The following LCMT1 variants were observed in gnomAD, a reference collection of about 807,000 sequenced individuals.
LCMT1 encodes leucine carboxyl methyltransferase 1.
Under a neutral mutation model 47.7 loss-of-function variants are expected in LCMT1, and 32 were observed. The observed-to-expected ratio is 0.67, with a 90% CI of 0.51 to 0.90. The LOEUF (loss-of-function observed/expected upper bound fraction) is 0.90, where lower values mean the gene tolerates loss of function less well. Ranked by LOEUF, LCMT1 falls within the 40% of genes least tolerant of loss-of-function variation. The probability of loss-of-function intolerance (pLI) is 0.00; values close to 1 mark genes in which losing one functional copy is unlikely to be tolerated. For missense variants in LCMT1, 375 were observed against 415.2 expected (o/e 0.90, Z 0.84); for synonymous variants, 152 against 149.7 (o/e 1.02, Z -0.11).
chr16:25,161,605 T>G (rs1477667245), intron 6 of LCMT1, among the ~76,000 whole-genome samples: 1 of 152,190 alleles, frequency 6.6e-6, no homozygotes, highest in African/African-American at 2.4e-5. Flanking sequence ...TCCGCCTGCC[T>G]TGGCCTCCCA....
chr16:25,138,387 A>G (rs1960567398), intron 3 of LCMT1, among the ~76,000 whole-genome samples: 1 of 151,996 alleles, frequency 6.6e-6, no homozygotes, highest in South Asian at 2.1e-4. Flanking sequence ...GCAGGGCTGA[A>G]GTACTGGGTG....
chr16:25,128,034 C>A (rs1484487780), intron 1 of LCMT1, among the ~76,000 whole-genome samples: 3 of 152,226 alleles, frequency 2.0e-5, no homozygotes, highest in Non-Finnish European at 2.9e-5. Flanking sequence ...TCAGGAGAAA[C>A]ACTTGGTTAA....
At chr16:25,121,358 C>T (rs1013414400) in intron 1 of LCMT1, among the ~76,000 whole-genome samples, 3 of 151,858 alleles carry the variant, frequency 2.0e-5, no homozygotes, top group African/African-American at 4.8e-5. Flanking sequence ...TGCAGTGAGC[C>T]GAGATCATGC....
intron 5 of LCMT1, among the ~76,000 whole-genome samples, chr16:25,151,816 G>T (rs904423868): frequency 6.6e-6 from 1 of 151,964 alleles, no homozygotes; most frequent in Non-Finnish European, 1.5e-5. Flanking sequence ...AGCCTGCAGG[G>T]TGGCCATTCT....
intron 3 of LCMT1, among the ~76,000 whole-genome samples, chr16:25,138,963 C>T (rs889052052): frequency 2.6e-5 from 4 of 151,896 alleles, no homozygotes; most frequent in East Asian, 3.9e-4. Context: ...ATCTTTGAGA[C>T]GGAGTCTCGC....
intron 1 of LCMT1, among the ~76,000 whole-genome samples, chr16:25,114,083 A>C (rs547070994): frequency 5.3e-5 from 8 of 152,184 alleles, no homozygotes; most frequent in Non-Finnish European, 1.2e-4. Flanking sequence ...CAGGCTGAAT[A>C]TTGTTTAGTT....
chr16:25,177,297 T>C (rs1961978010), intron 10 of LCMT1, among the ~76,000 whole-genome samples: 1 of 152,098 alleles, frequency 6.6e-6, no homozygotes, highest in Admixed American at 6.6e-5. Context: ...ACTAAGAAAA[T>C]CCACCTGTAT....
In LCMT1 at chr16:25,111,798, TC is replaced by T. The variant is rs1289178963; in HGVS notation, c.-83del. 1.2e-5 allele frequency: 11 copies of T among 892,588 alleles called. No individual in the cohort carries two copies. Among genetic ancestry groups the T allele is most frequent in the Admixed American group, 2.0e-5 (1 of 49,542 alleles). 55.3% of individuals were successfully genotyped at this position (892,588 alleles called of 1,614,324 possible). A position where few individuals can be genotyped will look rare whatever the true frequency, so the allele number is the denominator to read the frequency against. On this transcript the variant is annotated 5_prime_UTR_variant, in exon 1 of 11. Coordinates refer to ENST00000399069, the MANE Select transcript of LCMT1 (RefSeq NM_016309.3). ...GGCCCTACCCTCTTCTGTTGCTTTC[TC>T]CCTGTGGCTCGCGCCGTCCCCCGCC...
chr16:25,167,550 A>G (rs979435162), intron 7 of LCMT1, among the ~76,000 whole-genome samples: 7 of 151,216 alleles, frequency 4.6e-5, no homozygotes, highest in Admixed American at 3.3e-4. Context: ...GGCCTCAAGC[A>G]GTTCTCCAAC....
At position 25,178,099 on chromosome 16, in the gene LCMT1, G is replaced by A. The variant is rs768980746; in HGVS notation, c.*76G>A. Reference sequence around the variant, plus strand: ...GAGGAGACCTGCAAGCTCCCTGAGCGGTGGGCGGGCCTCGTCCGCAGGTCT... The same window carrying A: ...GAGGAGACCTGCAAGCTCCCTGAGCAGTGGGCGGGCCTCGTCCGCAGGTCT... On this transcript the variant is annotated 3_prime_UTR_variant, in exon 11 of 11. Coordinates refer to ENST00000399069, the MANE Select transcript of LCMT1 (RefSeq NM_016309.3). The A allele has an allele frequency of 8.6e-5, 125 of 1,449,980 alleles. No individual in the cohort carries two copies. Among genetic ancestry groups the A allele is most frequent in the Non-Finnish European group, 1.1e-4 (113 of 1,036,716 alleles). 89.8% of individuals were successfully genotyped at this position (1,449,980 alleles called of 1,614,324 possible).
intron 7 of LCMT1, 119 bp downstream of exon 7, chr16:25,164,837 A>G: frequency 2.3e-6 from 3 of 1,332,538 alleles, no homozygotes; most frequent in South Asian, 1.3e-5. Context: ...CCTCTCACAT[A>G]TCTCCTTTAT....
chr16:25,135,872 C>G (rs575423679), intron 3 of LCMT1, among the ~76,000 whole-genome samples: 1 of 152,136 alleles, frequency 6.6e-6, no homozygotes, highest in Admixed American at 6.5e-5. Context: ...GGTTGAATTG[C>G]TTGAGCTCAG....
intron 2 of LCMT1, among the ~76,000 whole-genome samples, chr16:25,131,594 T>A (rs1960350123): frequency 6.6e-6 from 1 of 152,270 alleles, no homozygotes; most frequent in Non-Finnish European, 1.5e-5. Context: ...CAGATTTTTT[T>A]CTTAAAATAG....
chr16:25,143,427 A>G (rs1960755741), intron 4 of LCMT1: 1 of 152,196 alleles, frequency 6.6e-6, no homozygotes, highest in African/African-American at 2.4e-5. Flanking sequence ...GGCTCTGAGT[A>G]ATCTTACCCA....
At chr16:25,158,431 G>A (rs1961326384) in intron 5 of LCMT1, among the ~76,000 whole-genome samples, 1 of 152,204 alleles carries the variant, frequency 6.6e-6, no homozygotes, top group South Asian at 2.1e-4. Flanking sequence ...CACTGCGCCC[G>A]GCCGGTCTGT....
At position 25,150,443 on chromosome 16, in the gene LCMT1, CA is replaced by C. The variant is rs1961045794; in HGVS notation, c.405-1109del. 2.1e-5 allele frequency among the ~76,000 whole-genome samples: 3 copies of C among 144,882 alleles called. No individual in the cohort carries two copies. The South Asian group carries it at 6.5e-4, about 32-fold the overall frequency. ...CACCGCAACCTCCGCCTCCTAGGTGCAAGCGATTCTCCTGCCTCAGCCTCCC... is the reference window on the plus strand; with the variant it reads ...CACCGCAACCTCCGCCTCCTAGGTGCAGCGATTCTCCTGCCTCAGCCTCCC... On this transcript the variant is annotated intron_variant, in intron 4 of 10. Transcript: ENST00000399069.
intron 5 of LCMT1, chr16:25,158,968 A>G (rs1002701235): frequency 2.6e-5 from 4 of 151,950 alleles, no homozygotes; most frequent in Admixed American, 1.3e-4. Context: ...GGTGAGCCTC[A>G]AGTCACTGAC....
chr16:25,177,384 A>C (rs558638680), intron 10 of LCMT1, among the ~76,000 whole-genome samples: 1 of 152,232 alleles, frequency 6.6e-6, no homozygotes, highest in East Asian at 1.9e-4. Flanking sequence ...TTGTTTTTAT[A>C]ATAAGAGTTG....
At chr16:25,177,684 G>C (rs1161184797) in intron 10 of LCMT1, among the ~76,000 whole-genome samples, 1 of 152,180 alleles carries the variant, frequency 6.6e-6, no homozygotes, top group Admixed American at 6.6e-5. Flanking sequence ...GGACATCAGT[G>C]CTTGTCTGTG....
Sources: gnomAD v4.1 joint callset for allele counts (sites outside exome capture counted in the v4.1 genomes callset) on GRCh38, gnomAD v4.1.1 for gene constraint, MANE v1.5 for transcripts, NCBI Gene and HGNC (gene_info 2026-07-23, HGNC 2026-07-21) for gene names.